TRIO: variants seen among roughly 807,000 people sequenced by gnomAD.
TRIO encodes the protein trio Rho guanine nucleotide exchange factor, also known as triple functional domain protein.
A neutral mutation model predicts 351.9 loss-of-function variants in TRIO; 58 were observed. The ratio of observed to expected loss-of-function variants is 0.16; its 90% CI spans 0.13 to 0.21. TRIO has a LOEUF of 0.21. TRIO is among the 10% of genes least tolerant of loss of function. The pLI, the probability that TRIO is intolerant of heterozygous loss-of-function variation, is 1.00. For synonymous variants in TRIO, 1,758 were observed against 1,595.7 expected (o/e 1.10, Z -2.42); for missense variants, 3,201 against 4,027.8 (o/e 0.79, Z 5.56).
At chr5:14,157,286 A>G (rs971369602) in intron 1 of TRIO, among the ~76,000 whole-genome samples, 1 of 152,188 alleles carries the variant, frequency 6.6e-6, no homozygotes, top group Admixed American at 6.5e-5. Context: ...ATTTCTGGGA[A>G]CTGAGTTTAT....
intron 34 of TRIO, among the ~76,000 whole-genome samples, chr5:14,424,152 C>T (rs1750433872): frequency 6.6e-6 from 1 of 151,964 alleles, no homozygotes; most frequent in Admixed American, 6.6e-5. Context: ...TGTCAGGAGG[C>T]CTGAGATGGG....
chr5:14,480,085 A>C, intron 43 of TRIO, 74 bp downstream of exon 43: 1 of 1,415,700 alleles, frequency 7.1e-7, no homozygotes, highest in Non-Finnish European at 9.9e-7. Flanking sequence ...TTGGGGAAAG[A>C]AGGATTTGGT....
intron 1 of TRIO, among the ~76,000 whole-genome samples, chr5:14,173,064 G>T (rs1252487883): frequency 6.6e-6 from 1 of 152,166 alleles, no homozygotes; most frequent in African/African-American, 2.4e-5. Context: ...TGTTTCAGGG[G>T]AAGTTGATCA....
intron 1 of TRIO, among the ~76,000 whole-genome samples, chr5:14,191,111 C>G (rs1233009313): frequency 6.6e-6 from 1 of 152,186 alleles, no homozygotes; most frequent in Non-Finnish European, 1.5e-5. Context: ...ACTGTGTTGA[C>G]CAGCAGCCCC....
At position 14,461,054 on chromosome 5, in the gene TRIO, C is replaced by T. The variant is rs1053063993; in HGVS notation, c.5239C>T (p.Pro1747Ser). The T allele has an allele frequency of 3.8e-6, 6 of 1,584,000 alleles. No individual in the cohort carries two copies. Among genetic ancestry groups the T allele is most frequent in the Non-Finnish European group, 5.1e-6 (6 of 1,165,672 alleles). The change falls in exon 35 of 57, where the codon CCC becomes TCC. Residue 1747 changes from proline (P) to serine (S), a missense_variant. Physicochemically the swap from Pro to Ser is moderately conservative, Grantham distance 74. Around this residue, in one of 19 missense-constraint regions of TRIO, gnomAD observed 193 missense variants for 218.8 expected, o/e 0.88. Transcript: ENST00000344204. Reference sequence around the variant, plus strand: ...CGTCTCCAGCAATGACGCCAGTCCACCCGCATCCGTGGCTTCCCTCCAGCC... The same window carrying T: ...CGTCTCCAGCAATGACGCCAGTCCATCCGCATCCGTGGCTTCCCTCCAGCC... Reference protein sequence around the residue: ...LSVSSNDASPPASVASLQPHM... With the variant: ...LSVSSNDASPSASVASLQPHM...
intron 31 of TRIO, among the ~76,000 whole-genome samples, chr5:14,405,411 TC>T (rs1378486142): frequency 6.6e-6 from 1 of 152,200 alleles, no homozygotes; most frequent in African/African-American, 2.4e-5. Flanking sequence ...GCGCCGCTGT[TC>T]CCTGAGTCCA....
chr5:14,423,398 C>A (rs984842323), intron 34 of TRIO, among the ~76,000 whole-genome samples: 8 of 152,224 alleles, frequency 5.3e-5, no homozygotes, highest in African/African-American at 1.7e-4. Flanking sequence ...AATCCAAGTT[C>A]TCTTTCCTTC....
intron 20 of TRIO, among the ~76,000 whole-genome samples, chr5:14,380,574 A>G (rs1165330933): frequency 2.6e-5 from 4 of 151,946 alleles, no homozygotes; most frequent in Non-Finnish European, 4.4e-5. Flanking sequence ...TACTTTTATT[A>G]TGCCTTTAGG....
chr5:14,435,156 T>G lies in TRIO; in HGVS notation c.5203+15135T>G, dbSNP rs138365562. On this transcript the variant is annotated intron_variant, in intron 34 of 56. Coordinates refer to ENST00000344204, the MANE Select transcript of TRIO (RefSeq NM_007118.4). ...TCATCCATCCCATGGCCACGAAAAT[T>G]TAGGCTTGCAGATGGTTTGAAGGCT... 5.8e-3 allele frequency among the ~76,000 whole-genome samples: 877 copies of G among 152,268 alleles called. 10 individuals are homozygous for G. The highest frequency in any genetic ancestry group is 0.02 in the African/African-American group (827 of 41,534).
intron 3 of TRIO, among the ~76,000 whole-genome samples, chr5:14,281,578 CATA>C (rs931125262): frequency 6.6e-6 from 1 of 151,786 alleles, no homozygotes; most frequent in Non-Finnish European, 1.5e-5. Context: ...TTCTGGAAAA[CATA>C]ATACCATGCT....
chr5:14,220,048 TC>T (rs1792502482), intron 1 of TRIO, among the ~76,000 whole-genome samples: 1 of 144,122 alleles, frequency 6.9e-6, no homozygotes. Flanking sequence ...CTCTTCTTCT[TC>T]TTTTTTTTTT....
intron 1 of TRIO, among the ~76,000 whole-genome samples, chr5:14,174,332 C>A (rs1165161257): frequency 6.6e-6 from 1 of 152,184 alleles, no homozygotes; most frequent in Non-Finnish European, 1.5e-5. Context: ...GGTGGTATAA[C>A]CCCACCTCAC....
chr5:14,145,759 TCTG>T (rs1296577508), intron 1 of TRIO, among the ~76,000 whole-genome samples: 1 of 152,162 alleles, frequency 6.6e-6, no homozygotes, highest in Non-Finnish European at 1.5e-5. Context: ...AAAAATCACT[TCTG>T]CTGCTGCTAA....
At chr5:14,280,617 T>C (rs1357286596) in intron 3 of TRIO, among the ~76,000 whole-genome samples, 181 bp downstream of exon 3, 1 of 152,188 alleles carries the variant, frequency 6.6e-6, no homozygotes, top group Admixed American at 6.5e-5. Flanking sequence ...TAAAGCCCTT[T>C]GGGGAGCAGG....
chr5:14,422,024 G>A (rs1750206769), intron 34 of TRIO, among the ~76,000 whole-genome samples: 1 of 152,204 alleles, frequency 6.6e-6, no homozygotes, highest in African/African-American at 2.4e-5. Flanking sequence ...GCATGTGCCG[G>A]CCTGCCCATG....
At chr5:14,444,625 T>A (rs1186553771) in intron 34 of TRIO, among the ~76,000 whole-genome samples, 1 of 152,224 alleles carries the variant, frequency 6.6e-6, no homozygotes, top group Non-Finnish European at 1.5e-5. Context: ...CTCGCTATTA[T>A]GGTTATTATG....
At chr5:14,250,174 C>T (rs780523297) in intron 1 of TRIO, among the ~76,000 whole-genome samples, 4 of 152,158 alleles carry the variant, frequency 2.6e-5, no homozygotes, top group African/African-American at 7.2e-5. Flanking sequence ...AGTTGCTCCT[C>T]CCACAGTTCA....
Position 14,405,836 on chromosome 5 carries a change from C to T in TRIO, c.4717-12C>T, listed in dbSNP as rs759953251. On this transcript the variant is annotated splice_polypyrimidine_tract_variant and intron_variant, in intron 31 of 56. Coordinates refer to ENST00000344204, the MANE Select transcript of TRIO (RefSeq NM_007118.4). Reference sequence around the variant, plus strand: ...CGTTCCGTATCCTAAGCAACGCTAACACCTTGTTAAGGCTTCCAGCATAGA... The same window carrying T: ...CGTTCCGTATCCTAAGCAACGCTAATACCTTGTTAAGGCTTCCAGCATAGA... 96 of 1,613,026 alleles carry T rather than the reference C, an allele frequency of 6.0e-5. No homozygotes were observed. Among genetic ancestry groups the T allele is most frequent in the African/African-American group, 1.6e-4 (12 of 74,876 alleles).
At position 14,184,528 on chromosome 5, in the gene TRIO, A is replaced by G. The variant is rs547587657; in HGVS notation, c.157+40646A>G. 5.9e-5 allele frequency among the ~76,000 whole-genome samples: 9 copies of G among 152,364 alleles called. No individual in the cohort carries two copies. The South Asian group carries it at 1.0e-3, about 18-fold the overall frequency. On this transcript the variant is annotated intron_variant, in intron 1 of 56. Coordinates refer to ENST00000344204, the MANE Select transcript of TRIO (RefSeq NM_007118.4). ...AAAGTGTTTGCATTTTCTTTATATT[A>G]GCCTCTAGTGTAATTCAGGACTTCA...
Sources: allele counts gnomAD v4.1 joint callset (sites outside exome capture counted in the v4.1 genomes callset), GRCh38; gene constraint gnomAD v4.1.1; regional missense constraint gnomAD v4.1.1; transcripts MANE v1.5; gene names NCBI Gene and HGNC (gene_info 2026-07-23, HGNC 2026-07-21).